The following RLN1 variants were observed in gnomAD, a reference collection of about 807,000 sequenced individuals.
RLN1 encodes the protein relaxin 1.
RLN1 carries 4 observed loss-of-function variants against 7.2 expected under a neutral mutation model. The ratio of observed to expected loss-of-function variants is 0.56; its 90% CI spans 0.28 to 1.28. The LOEUF (loss-of-function observed/expected upper bound fraction) is 1.28, where lower values mean the gene tolerates loss of function less well. Among genes scored for constraint, RLN1 ranks in the 50% most tolerant of loss-of-function variants. The pLI, the probability that RLN1 is intolerant of heterozygous loss-of-function variation, is 0.11. For synonymous variants in RLN1, 105 were observed against 86.0 expected (o/e 1.22, Z -1.22); for missense variants, 293 against 221.1 (o/e 1.32, Z -2.06).
intron 1 of RLN1, among the ~76,000 whole-genome samples, chr9:5,336,512 A>G (rs1212941571): frequency 1.3e-5 from 2 of 152,092 alleles, no homozygotes; most frequent in African/African-American, 4.8e-5. Flanking sequence ...AGCTCCGTTG[A>G]ACATTCATTA....
At chr9:5,340,654 C>A (rs1191070627), upstream of RLN1, among the ~76,000 whole-genome samples, 1 of 152,112 alleles carries the variant, frequency 6.6e-6, no homozygotes, top group Non-Finnish European at 1.5e-5. Flanking sequence ...CATTTGTTTA[C>A]TGTATTTTGT....
chr9:5,339,862 C>G lies in RLN1; in HGVS notation c.-116G>C. 1 of 1,031,482 alleles carries G rather than the reference C, an allele frequency of 9.7e-7. No individual in the cohort carries two copies. Among genetic ancestry groups the G allele is most frequent in the Non-Finnish European group, 1.5e-6 (1 of 686,644 alleles). The allele number at this position is 1,031,482 out of a possible 1,614,324, so 63.9% of individuals were successfully genotyped here. A position where few individuals can be genotyped will look rare whatever the true frequency, so the allele number is the denominator to read the frequency against. On this transcript the variant is annotated 5_prime_UTR_variant, in exon 1 of 2. Coordinates refer to ENST00000223862, the MANE Select transcript of RLN1 (RefSeq NM_006911.4). ...CCCGGGCTTTAGGCTGCTTTCCCTA[C>G]CCGGCTCAACCAGTCTTTAGTATGG...
In RLN1 at chr9:5,335,278, G is replaced by A. The variant is rs753388777; in HGVS notation, c.531C>T (p.Thr177=). ...AGCAATATTTAGCAAGAGACCTTTTGGTACAACCAATTAGGCAACATTTCT... is the reference window on the plus strand; with the variant it reads ...AGCAATATTTAGCAAGAGACCTTTTAGTACAACCAATTAGGCAACATTTCT... ...LFEKCCLIGC[T]KRSLAKYC is the part of the protein sequence containing the mutation. Residue 177 remains threonine, a synonymous_variant, in exon 2 of 2, where the codon ACC becomes ACT. Transcript: ENST00000223862. 3.8e-6 allele frequency: 6 copies of A among 1,596,014 alleles called. No individual in the cohort carries two copies. The highest frequency in any genetic ancestry group is 1.8e-5 in the Admixed American group (1 of 55,580).
chr9:5,336,471 C>T (rs1367023720), intron 1 of RLN1, among the ~76,000 whole-genome samples: 1 of 152,002 alleles, frequency 6.6e-6, no homozygotes, highest in African/African-American at 2.4e-5. Flanking sequence ...GGACACCCAG[C>T]TGACATCTTA....
At chr9:5,336,835 C>G (rs533379138) in intron 1 of RLN1, among the ~76,000 whole-genome samples, 2 of 151,910 alleles carry the variant, frequency 1.3e-5, no homozygotes, top group Admixed American at 6.6e-5. Flanking sequence ...ACCTGGTTAA[C>G]CACTGATGCC....
intron 1 of RLN1, 186 bp downstream of exon 1, chr9:5,339,350 T>C: frequency 2.0e-6 from 1 of 505,590 alleles, no homozygotes; most frequent in Non-Finnish European, 3.3e-6. Flanking sequence ...TGAGACTGTT[T>C]GAATAAAATC....
chr9:5,340,286 A>C (rs1018585557), upstream of RLN1, among the ~76,000 whole-genome samples: 3 of 152,196 alleles, frequency 2.0e-5, no homozygotes, highest in Admixed American at 6.5e-5. Context: ...TGAATGAATA[A>C]ATTGTTGATG....
At position 5,339,654 on chromosome 9, in the gene RLN1, A is replaced by G; in HGVS notation, c.93T>C (p.Val31=). ...RAVAAKWKDD[V]IKLCGRELVR... ...CTAATTCGCGGCCGCATAATTTAAT[A>G]ACATCGTCCTTCCATTTGGCCGCGA... Residue 31 remains valine, a synonymous_variant, in exon 1 of 2, where the codon GTT becomes GTC. Coordinates refer to ENST00000223862, the MANE Select transcript of RLN1 (RefSeq NM_006911.4). 2 of 1,612,904 alleles carry G rather than the reference A, an allele frequency of 1.2e-6. No individual in the cohort carries two copies. Among genetic ancestry groups the G allele is most frequent in the Non-Finnish European group, 1.7e-6 (2 of 1,180,026 alleles).
intron 1 of RLN1, among the ~76,000 whole-genome samples, chr9:5,337,237 G>A (rs1279386551): frequency 6.6e-6 from 1 of 152,064 alleles, no homozygotes; most frequent in African/African-American, 2.4e-5. Context: ...GCTGAAAAAA[G>A]CTGATGGTAA....
upstream of RLN1, among the ~76,000 whole-genome samples, chr9:5,340,672 G>T (rs1456164554): frequency 1.3e-5 from 2 of 152,176 alleles, no homozygotes; most frequent in African/African-American, 4.8e-5. Flanking sequence ...TGTGTTTGCT[G>T]CACCTGGTTA....
rs545539267 is a variant in RLN1, at chr9:5,336,063, A to G, written c.212-466T>C. 7.0e-4 allele frequency among the ~76,000 whole-genome samples: 107 copies of G among 152,102 alleles called. 2 individuals are homozygous for G. The highest frequency in any genetic ancestry group is 3.4e-3 in the Middle Eastern group (1 of 294). On this transcript the variant is annotated intron_variant, in intron 1 of 1. Coordinates refer to ENST00000223862, the MANE Select transcript of RLN1 (RefSeq NM_006911.4). ...AAAAGATATTATTTTAAGCTACTCA[A>G]TGTTTCGTGGTGGGAATTTACTCCT...
At chr9:5,336,848 C>T (rs561133055) in intron 1 of RLN1, among the ~76,000 whole-genome samples, 37 of 152,078 alleles carry the variant, frequency 2.4e-4, no homozygotes, top group Non-Finnish European at 4.7e-4. Context: ...CTGATGCCTG[C>T]TGATCAGAGG....
At chr9:5,340,351 C>T (rs138324551), upstream of RLN1, among the ~76,000 whole-genome samples, 1 of 152,204 alleles carries the variant, frequency 6.6e-6, no homozygotes, top group African/African-American at 2.4e-5. Flanking sequence ...TTAAAATCCC[C>T]AGTAACATCA....
rs1415265472 is a variant in RLN1 at position 5,335,201 on chromosome 9, A to G, written c.*50T>C. The stretch of plus-strand genomic sequence containing the variant: ...CTGACAGAAGCATCAGTGAAATGTC[A>G]TCAAGACTATGTGTGAAAATTAGAC... On this transcript the variant is annotated 3_prime_UTR_variant, in exon 2 of 2. Transcript: ENST00000223862. The G allele has an allele frequency of 3.4e-6, 4 of 1,161,006 alleles. No individual in the cohort carries two copies. Among genetic ancestry groups the G allele is most frequent in the Non-Finnish European group, 3.7e-6 (3 of 813,804 alleles). The allele number at this position is 1,161,006 out of a possible 1,614,324, so 71.9% of individuals were successfully genotyped here. A position where few individuals can be genotyped will look rare whatever the true frequency, so the allele number is the denominator to read the frequency against.
At position 5,335,240 on chromosome 9, in the gene RLN1, T is replaced by G; in HGVS notation, c.*11A>C. The G allele has an allele frequency of 6.5e-7, 1 of 1,539,288 alleles. No individual in the cohort carries two copies. Among genetic ancestry groups the G allele is most frequent in the Non-Finnish European group, 8.8e-7 (1 of 1,135,694 alleles). On this transcript the variant is annotated 3_prime_UTR_variant, in exon 2 of 2. Transcript: ENST00000223862. ...TGAAAATTAGACAAGATGTGCACAA[T>G]TAGCTTCATCTCAGCAATATTTAGC...
At chr9:5,337,542 C>T (rs10815181) in intron 1 of RLN1, among the ~76,000 whole-genome samples, 58,949 of 151,600 alleles carry the variant, frequency 0.39, 11,985 homozygotes, top group Non-Finnish European at 0.44. Flanking sequence ...GTGAATATTA[C>T]TTTGGCACAC....
At chr9:5,337,418 G>A (rs955482650) in intron 1 of RLN1, among the ~76,000 whole-genome samples, 1 of 152,012 alleles carries the variant, frequency 6.6e-6, no homozygotes, top group African/African-American at 2.4e-5. Context: ...TAGGCTCAGA[G>A]AAAATATTCT....
Position 5,335,490 on chromosome 9 carries a change from G to A in RLN1, c.319C>T (p.Pro107Ser). ...TACTGCTGTAGCTCTGGTAATGATG[G>A]TTGCCTCTCAGATAGGGCTGCCTTC... is the stretch of plus-strand genomic sequence containing the variant. ...ELKAALSERQ[P>S]SLPELQQYVP... Residue 107 changes from proline to serine, a missense_variant, in exon 2 of 2, where the codon CCA (proline) becomes TCA (serine). Coordinates refer to ENST00000223862, the MANE Select transcript of RLN1 (RefSeq NM_006911.4). 1.2e-6 allele frequency: 2 copies of A among 1,613,208 alleles called. No individual in the cohort carries two copies. The highest frequency in any genetic ancestry group is 1.7e-6 in the Non-Finnish European group (2 of 1,179,404).
chr9:5,336,470 G>A (rs1334450803), intron 1 of RLN1, among the ~76,000 whole-genome samples: 1 of 152,012 alleles, frequency 6.6e-6, no homozygotes, highest in Non-Finnish European at 1.5e-5. Flanking sequence ...TGGACACCCA[G>A]CTGACATCTT....
Sources: allele counts gnomAD v4.1 joint callset (sites outside exome capture counted in the v4.1 genomes callset), GRCh38; gene constraint gnomAD v4.1.1; transcripts MANE v1.5; gene names NCBI Gene and HGNC (gene_info 2026-07-23, HGNC 2026-07-21).